The following VPS41 variants were observed in gnomAD, a reference collection of about 807,000 sequenced individuals.
The protein encoded by VPS41 is VPS41 subunit of HOPS complex, also known as vacuolar protein sorting-associated protein 41 homolog.
In VPS41, 85 loss-of-function variants were observed where a neutral mutation model predicts 130.9. The observed-to-expected ratio is 0.65, with a 90% CI of 0.55 to 0.78. The LOEUF (loss-of-function observed/expected upper bound fraction) is 0.78. Among genes scored for constraint, VPS41 ranks in the 30% least tolerant of loss-of-function variants. The probability of loss-of-function intolerance (pLI) is 0.00; values close to 1 mark genes in which losing one functional copy is unlikely to be tolerated. For synonymous variants in VPS41, 335 were observed against 332.9 expected (o/e 1.01, Z -0.07); for missense variants, 874 against 1,018.7 (o/e 0.86, Z 1.93).
chr7:38,889,361 TAA>T (rs34136101), intron 2 of VPS41, among the ~76,000 whole-genome samples: 1 of 143,712 alleles, frequency 7.0e-6, no homozygotes. Flanking sequence ...ACACTAAAGT[TAA>T]AAAAAAAAAA....
intron 4 of VPS41, among the ~76,000 whole-genome samples, chr7:38,836,733 CA>C (rs1012937514): frequency 6.7e-6 from 1 of 149,384 alleles, no homozygotes; most frequent in Non-Finnish European, 1.5e-5. Context: ...GTTAATTTAA[CA>C]AAAAAAAATG....
chr7:38,849,385 A>C (rs570587491), intron 4 of VPS41, among the ~76,000 whole-genome samples: 1 of 152,310 alleles, frequency 6.6e-6, no homozygotes, highest in African/African-American at 2.4e-5. Flanking sequence ...CCTGCTTTAT[A>C]GCAAGGACAA....
At chr7:38,761,441 A>G (rs1254708083) in intron 17 of VPS41, among the ~76,000 whole-genome samples, 1 of 142,162 alleles carries the variant, frequency 7.0e-6, no homozygotes, top group Non-Finnish European at 1.5e-5. Context: ...ATGCCTGGTT[A>G]ATTTTTGTAT....
At chr7:38,862,925 T>C (rs543727004) in intron 3 of VPS41, among the ~76,000 whole-genome samples, 22 of 152,280 alleles carry the variant, frequency 1.4e-4, no homozygotes, top group African/African-American at 4.8e-4. Context: ...GTAAATTAAA[T>C]GCAGCGGTGA....
intron 5 of VPS41, among the ~76,000 whole-genome samples, chr7:38,822,142 T>G (rs1785183859): frequency 6.6e-6 from 1 of 152,266 alleles, no homozygotes; most frequent in South Asian, 2.1e-4. Context: ...ACTTTATTCA[T>G]ACTTAGTATA....
intron 4 of VPS41, among the ~76,000 whole-genome samples, chr7:38,847,706 C>T (rs910971749): frequency 7.2e-5 from 11 of 152,114 alleles, no homozygotes; most frequent in South Asian, 4.1e-4. Flanking sequence ...CATAAATATC[C>T]CTGTTTAAGT....
intron 7 of VPS41, among the ~76,000 whole-genome samples, chr7:38,798,017 C>T (rs1784654075): frequency 6.6e-6 from 1 of 152,174 alleles, no homozygotes; most frequent in Non-Finnish European, 1.5e-5. Context: ...TTAGCCCCAT[C>T]TTCCCATCAG....
chr7:38,817,913 T>G, intron 6 of VPS41, 31 bp from the exon 7 acceptor site: 1 of 1,586,868 alleles, frequency 6.3e-7, no homozygotes, highest in Non-Finnish European at 8.7e-7. Context: ...AACTCTGGTT[T>G]AGGAGTCATG....
intron 7 of VPS41, among the ~76,000 whole-genome samples, chr7:38,799,959 C>G (rs1171027494): frequency 1.3e-5 from 2 of 152,024 alleles, no homozygotes; most frequent in Non-Finnish European, 1.5e-5. Context: ...AAAGAGGTAT[C>G]TTCAAACTAC....
intron 5 of VPS41, 51 bp from the exon 6 acceptor site, chr7:38,821,316 C>A: frequency 1.5e-6 from 2 of 1,337,450 alleles, no homozygotes; most frequent in South Asian, 1.2e-5. Flanking sequence ...ATAGAGAAGG[C>A]TACTGAGTCA....
intron 3 of VPS41, 91 bp downstream of exon 3, chr7:38,869,055 A>G: frequency 1.0e-6 from 1 of 954,580 alleles, no homozygotes. Context: ...CACTGTAAAA[A>G]GCCACCACCA....
Position 38,743,441 on chromosome 7 carries a change from G to A in VPS41, c.2083C>T (p.Leu695=), listed in dbSNP as rs371083706. 1 of 1,613,832 alleles carries A rather than the reference G, an allele frequency of 6.2e-7. No homozygotes were observed. The highest frequency in any genetic ancestry group is 8.5e-7 in the Non-Finnish European group (1 of 1,179,900). Residue 695 remains leucine (L), a synonymous_variant, in exon 24 of 29, where the codon CTG becomes TTG. Coordinates refer to ENST00000310301, the MANE Select transcript of VPS41 (RefSeq NM_014396.4). ...GAATATAAAATCAAATCTTCCCACA[G>A]CTCTCCATCATCTTGCTCCTTGGCA... ...EFAKEQDDGE[L]WEDLILYSID...
intron 23 of VPS41, among the ~76,000 whole-genome samples, chr7:38,744,259 G>A (rs554088070): frequency 6.6e-6 from 1 of 152,230 alleles, no homozygotes; most frequent in South Asian, 2.1e-4. Context: ...TATAGTGCAT[G>A]TAAGAAAGCC....
chr7:38,780,870 C>T (rs1213769833), intron 10 of VPS41, among the ~76,000 whole-genome samples: 1 of 152,074 alleles, frequency 6.6e-6, no homozygotes, highest in Non-Finnish European at 1.5e-5. Flanking sequence ...TGGTACTGTC[C>T]TCACGACAGT....
chr7:38,754,587 T>C (rs1194160005), intron 21 of VPS41, 115 bp downstream of exon 21: 1 of 802,838 alleles, frequency 1.2e-6, no homozygotes, highest in Non-Finnish European at 2.0e-6. Context: ...AACCTCCAAC[T>C]GGAATATTAA....
chr7:38,753,181 G>A (rs1323359287), intron 21 of VPS41, among the ~76,000 whole-genome samples: 4 of 152,138 alleles, frequency 2.6e-5, no homozygotes, highest in South Asian at 2.1e-4. Flanking sequence ...CCAATCCCAC[G>A]AGCATTAACA....
chr7:38,758,374 TAA>T lies in VPS41; in HGVS notation c.1528_1529del (p.Leu510ThrfsTer2), dbSNP rs1466204626. 1 of 1,610,912 alleles carries T rather than the reference TAA, an allele frequency of 6.2e-7. No homozygotes were observed. The highest frequency in any genetic ancestry group is 8.5e-7 in the Non-Finnish European group (1 of 1,179,080). On this transcript the variant is annotated frameshift_variant, in exon 18 of 29. Transcript: ENST00000310301. LOFTEE classifies it high-confidence loss of function. ...CTCACAATTCTGCCAGGGTTTTAAGTAAAGTCTTGTTCTGACTATCTTTCTTC... is the reference window on the plus strand; with the variant it reads ...CTCACAATTCTGCCAGGGTTTTAAGTAGTCTTGTTCTGACTATCTTTCTTC... ...HLKKDSQNKT[L>X]LKTLAELYTY... is the part of the protein sequence containing the mutation.
rs752105782 is a variant in VPS41, at chr7:38,742,017, A to G, written c.2227T>C (p.Leu743=). 2.5e-6 allele frequency: 4 copies of G among 1,613,178 alleles called. No individual in the cohort carries two copies. In the Admixed American group the frequency reaches 6.7e-5, roughly 27 times the overall value. ...GMEIPNLRDS[L]VKILQDYNLQ... is the part of the protein sequence containing the mutation. ...TTGTAGTCTTGCAGAATTTTAACCA[A>G]GGAATCTCTCAAATTGGGGATCTCC... The change falls in exon 25 of 29, where the codon TTG becomes CTG. Residue 743 remains leucine (L), a synonymous_variant. Transcript: ENST00000310301.
chr7:38,869,981 A>ATT (rs1390440281), intron 2 of VPS41, among the ~76,000 whole-genome samples: 15 of 152,294 alleles, frequency 9.8e-5, no homozygotes, highest in African/African-American at 3.6e-4. Flanking sequence ...GGCAACCTCA[A>ATT]CTAGAAGGAT....
Sources: gnomAD v4.1 joint callset for allele counts (sites outside exome capture counted in the v4.1 genomes callset) on GRCh38, gnomAD v4.1.1 for gene constraint, MANE v1.5 for transcripts, NCBI Gene and HGNC (gene_info 2026-07-23, HGNC 2026-07-21) for gene names.